TXNDC8: variants seen among roughly 807,000 people sequenced by gnomAD.
The protein encoded by TXNDC8 is thioredoxin domain containing 8, also known as thioredoxin domain-containing protein 8.
In TXNDC8, 15 loss-of-function variants were observed where a neutral mutation model predicts 12.9. That is an observed-to-expected ratio of 1.16 (90% CI 0.78 to 1.79). The LOEUF is 1.79. Ranked by LOEUF, TXNDC8 falls within the 40% of genes most tolerant of loss-of-function variation. The pLI, the probability that TXNDC8 is intolerant of heterozygous loss-of-function variation, is 0.00. For synonymous variants in TXNDC8, 40 were observed against 35.4 expected (o/e 1.13, Z -0.46); for missense variants, 128 against 113.2 (o/e 1.13, Z -0.59).
intron 3 of TXNDC8, among the ~76,000 whole-genome samples, chr9:110,320,608 C>G (rs1839055481): frequency 6.6e-6 from 1 of 152,198 alleles, no homozygotes; most frequent in African/African-American, 2.4e-5. Context: ...CAGACGGTCA[C>G]TGAATATCCT....
At chr9:110,306,316 G>A (rs1838466556) in intron 3 of TXNDC8, among the ~76,000 whole-genome samples, 1 of 152,160 alleles carries the variant, frequency 6.6e-6, no homozygotes, top group Non-Finnish European at 1.5e-5. Flanking sequence ...AATTCCATAT[G>A]TTTTACCTTG....
At chr9:110,305,219 A>C (rs1838389894) in intron 3 of TXNDC8, among the ~76,000 whole-genome samples, 1 of 152,022 alleles carries the variant, frequency 6.6e-6, no homozygotes, top group South Asian at 2.1e-4. Flanking sequence ...AAAATAGAAA[A>C]AAAGAAAGAT....
chr9:110,316,209 C>T (rs1370892491), intron 3 of TXNDC8, among the ~76,000 whole-genome samples: 1 of 151,934 alleles, frequency 6.6e-6, no homozygotes, highest in Non-Finnish European at 1.5e-5. Context: ...AGCCACTGTG[C>T]CTGGCCTGTA....
intron 1 of TXNDC8, among the ~76,000 whole-genome samples, chr9:110,335,127 T>C (rs548744175): frequency 1.8e-4 from 28 of 152,346 alleles, no homozygotes; most frequent in African/African-American, 6.5e-4. Flanking sequence ...CCTTACAGGA[T>C]TTAATCTTGA....
chr9:110,302,180 T>G (rs1007743718), downstream of TXNDC8, among the ~76,000 whole-genome samples: 4 of 151,566 alleles, frequency 2.6e-5, no homozygotes, highest in African/African-American at 7.3e-5. Context: ...TTTTTCTTTT[T>G]TATAGAGACA....
chr9:110,328,851 T>C (rs557729955), intron 2 of TXNDC8, among the ~76,000 whole-genome samples: 13 of 152,240 alleles, frequency 8.5e-5, no homozygotes, highest in African/African-American at 2.9e-4. Flanking sequence ...ATCACAGGGA[T>C]GAAAACCATC....
chr9:110,312,970 A>G (rs756464382), intron 3 of TXNDC8, among the ~76,000 whole-genome samples: 4 of 152,070 alleles, frequency 2.6e-5, no homozygotes, highest in Admixed American at 6.5e-5. Context: ...TGATCTTGCA[A>G]TCTCAGTTCA....
rs181721199 is a variant in TXNDC8 at position 110,327,519 on chromosome 9, C to T, written c.130-1279G>A. On this transcript the variant is annotated intron_variant, in intron 2 of 4. Transcript: ENST00000423740. ...TGTATTTTTAGTAGAGATGGGGGTT[C>T]GCCACGTTGGCCAGGCTGGTCTTGA... Among the ~76,000 whole-genome samples the T allele has an allele frequency of 6.1e-3, 924 of 152,042 alleles. 5 individuals are homozygous for T. Among genetic ancestry groups the T allele is most frequent in the Middle Eastern group, 0.017 (5 of 292 alleles).
chr9:110,307,739 T>C (rs910371297), intron 3 of TXNDC8, among the ~76,000 whole-genome samples: 1 of 152,220 alleles, frequency 6.6e-6, no homozygotes, highest in Non-Finnish European at 1.5e-5. Flanking sequence ...CTCAAAAGAA[T>C]GTAACCATTT....
intron 2 of TXNDC8, 113 bp from the exon 4 acceptor site, chr9:110,326,353 A>G (rs1307318302): frequency 1.1e-5 from 11 of 969,432 alleles, no homozygotes; most frequent in Non-Finnish European, 1.8e-5. Context: ...AGGACACCTG[A>G]CACTTTACAG....
chr9:110,330,843 C>T (rs1020014616), intron 2 of TXNDC8, among the ~76,000 whole-genome samples: 1 of 152,160 alleles, frequency 6.6e-6, no homozygotes, highest in Non-Finnish European at 1.5e-5. Flanking sequence ...AGTTTGTTGA[C>T]CCCTGCTCTT....
intron 3 of TXNDC8, among the ~76,000 whole-genome samples, chr9:110,319,033 A>G (rs1169940205): frequency 6.6e-6 from 1 of 152,184 alleles, no homozygotes; most frequent in South Asian, 2.1e-4. Flanking sequence ...CTAAATAGTT[A>G]CTACACTTTG....
intron 4 of TXNDC8, 66 bp downstream of exon 5, chr9:110,304,399 GTC>G: frequency 7.0e-7 from 1 of 1,421,760 alleles, no homozygotes; most frequent in Non-Finnish European, 9.8e-7. Flanking sequence ...GCCTGAGTGT[GTC>G]ATTATATTTA....
intron 4 of TXNDC8, 174 bp from the exon 6 acceptor site, chr9:110,303,757 T>C (rs1838325288): frequency 3.4e-6 from 5 of 1,479,250 alleles, no homozygotes; most frequent in Non-Finnish European, 4.6e-6. Context: ...AATATTTTCA[T>C]ATTTGGCATC....
chr9:110,333,340 G>A (rs968468992), intron 2 of TXNDC8, among the ~76,000 whole-genome samples: 4 of 152,114 alleles, frequency 2.6e-5, no homozygotes, highest in Non-Finnish European at 2.9e-5. Flanking sequence ...GCTAAGTTGC[G>A]CTACTTATGA....
At chr9:110,321,655 G>A (rs1486120942) in intron 3 of TXNDC8, among the ~76,000 whole-genome samples, 1 of 150,136 alleles carries the variant, frequency 6.7e-6, no homozygotes, top group Non-Finnish European at 1.5e-5. Flanking sequence ...TCAAAAAAGT[G>A]CATTTGATTT....
chr9:110,304,870 G>A (rs112973479), intron 3 of TXNDC8, among the ~76,000 whole-genome samples: 1,594 of 152,166 alleles, frequency 0.01, 19 homozygotes, highest in Non-Finnish European at 0.014. Context: ...ATGGATGGCC[G>A]GGTGCAGTGG....
intron 3 of TXNDC8, among the ~76,000 whole-genome samples, chr9:110,312,007 G>C (rs1217786330): frequency 6.6e-6 from 1 of 151,468 alleles, no homozygotes; most frequent in East Asian, 1.9e-4. Context: ...TCCAGGGAGA[G>C]CTGAAATGTT....
chr9:110,311,502 A>C (rs1838659725), intron 3 of TXNDC8, among the ~76,000 whole-genome samples: 1 of 123,042 alleles, frequency 8.1e-6, no homozygotes, highest in Non-Finnish European at 1.7e-5. Flanking sequence ...GATGTAAAGA[A>C]AGTTACAAAA....
Sources: allele counts gnomAD v4.1 joint callset (sites outside exome capture counted in the v4.1 genomes callset), GRCh38; gene constraint gnomAD v4.1.1; transcripts MANE v1.5; gene names NCBI Gene and HGNC (gene_info 2026-07-23, HGNC 2026-07-21).